PDE10A: variants seen among roughly 807,000 people sequenced by gnomAD.
PDE10A encodes the protein phosphodiesterase 10A.
In PDE10A, 39 loss-of-function variants were observed where a neutral mutation model predicts 97.7. The ratio of observed to expected loss-of-function variants is 0.40; its 90% CI spans 0.31 to 0.52. The LOEUF (loss-of-function observed/expected upper bound fraction) is 0.52. Ranked by LOEUF, PDE10A falls within the 20% of genes least tolerant of loss-of-function variation. The pLI, the probability that PDE10A is intolerant of heterozygous loss-of-function variation, is 0.56. For missense variants in PDE10A, 731 were observed against 1,047.8 expected, an observed-to-expected ratio of 0.70 and a Z score of 4.17; for synonymous variants, 371 against 376.8, an observed-to-expected ratio of 0.98 and a Z score of 0.18.
intron 5 of PDE10A, among the ~76,000 whole-genome samples, chr6:165,439,851 C>T (rs1790302177): frequency 6.6e-6 from 1 of 152,086 alleles, no homozygotes; most frequent in African/African-American, 2.4e-5. Flanking sequence ...TAGACTAGTA[C>T]AATTTATAAA....
chr6:165,619,417 G>GTCTAGTGTAC (rs1562634775), intron 1 of PDE10A, among the ~76,000 whole-genome samples: 5 of 42,786 alleles, frequency 1.2e-4, no homozygotes, highest in African/African-American at 2.6e-4. Context: ...GTCTAGTGTA[G>GTCTAGTGTAC]TGTAGTGTAG....
intron 1 of PDE10A, among the ~76,000 whole-genome samples, chr6:165,765,672 C>G (rs191186698): frequency 3.9e-5 from 6 of 152,166 alleles, no homozygotes; most frequent in Admixed American, 6.5e-5. Flanking sequence ...CTCTCCCTCC[C>G]CACCTCCCTG....
intron 1 of PDE10A, among the ~76,000 whole-genome samples, chr6:165,955,775 A>C (rs1784117737): frequency 1.3e-5 from 2 of 152,272 alleles, no homozygotes; most frequent in South Asian, 2.1e-4. Flanking sequence ...CTAGTAGTGC[A>C]AACAGGATAC....
intron 1 of PDE10A, among the ~76,000 whole-genome samples, chr6:165,826,702 C>T (rs914806826): frequency 1.1e-4 from 17 of 150,306 alleles, no homozygotes; most frequent in African/African-American, 2.9e-4. Flanking sequence ...ACGGTGGGAG[C>T]GGGCGCGTGG....
intron 1 of PDE10A, among the ~76,000 whole-genome samples, chr6:165,681,350 T>C (rs1562681593): frequency 1.3e-5 from 2 of 152,190 alleles, no homozygotes; most frequent in Non-Finnish European, 2.9e-5. Context: ...TCAAAATTAC[T>C]CTTTTTAGGC....
chr6:165,622,388 C>G (rs1272412760), intron 1 of PDE10A, among the ~76,000 whole-genome samples: 1 of 152,106 alleles, frequency 6.6e-6, no homozygotes, highest in African/African-American at 2.4e-5. Context: ...AGTGGACTTA[C>G]ACAAACCCAT....
intron 1 of PDE10A, among the ~76,000 whole-genome samples, chr6:165,737,203 C>T (rs1792597012): frequency 6.6e-6 from 1 of 152,150 alleles, no homozygotes; most frequent in Admixed American, 6.5e-5. Context: ...TGGTAGAGTT[C>T]TATCAAACAT....
At chr6:165,547,941 T>C (rs1391312920) in intron 1 of PDE10A, among the ~76,000 whole-genome samples, 1 of 152,182 alleles carries the variant, frequency 6.6e-6, no homozygotes, top group Admixed American at 6.5e-5. Context: ...AGCCACAAAT[T>C]CAACTTTCTT....
chr6:165,817,277 G>T (rs1779444756), intron 1 of PDE10A, among the ~76,000 whole-genome samples: 1 of 152,138 alleles, frequency 6.6e-6, no homozygotes, highest in South Asian at 2.1e-4. Context: ...GCTATCCTGG[G>T]AATAAACATC....
intron 1 of PDE10A, chr6:165,949,567 A>C (rs1258351139): frequency 6.6e-6 from 1 of 152,222 alleles, no homozygotes. Context: ...TGGGGTGACC[A>C]CCGCAGATCT....
At chr6:165,835,560 A>G (rs747856158) in intron 1 of PDE10A, among the ~76,000 whole-genome samples, 10 of 152,140 alleles carry the variant, frequency 6.6e-5, no homozygotes, top group Admixed American at 2.0e-4. Context: ...CAGAGCCCCC[A>G]GGGAAGCCTC....
intron 1 of PDE10A, among the ~76,000 whole-genome samples, chr6:165,852,954 G>C (rs1780613398): frequency 6.6e-6 from 1 of 152,204 alleles, no homozygotes; most frequent in Non-Finnish European, 1.5e-5. Flanking sequence ...GCACATTTGT[G>C]ACTTCATCAA....
At position 165,972,152 on chromosome 6, in the gene PDE10A, A is replaced by C. The variant is rs529322708; in HGVS notation, c.-615+15377T>G. Among the ~76,000 whole-genome samples the C allele has an allele frequency of 9.2e-5, 14 of 152,336 alleles. 1 individual carries two copies. The highest frequency in any genetic ancestry group is 8.5e-4 in the Admixed American group (13 of 15,306). On this transcript the variant is annotated intron_variant, in intron 1 of 19. Coordinates refer to the PDE10A transcript ENST00000366882. ...CACATTGGAATAAGGATTGAGAATT[A>C]GGTGTGAAAAGTTTTAAGAGCATAA...
chr6:165,472,000 ATGAGT>A (rs781124784), intron 3 of PDE10A, among the ~76,000 whole-genome samples: 1 of 152,102 alleles, frequency 6.6e-6, no homozygotes, highest in Admixed American at 6.5e-5. Flanking sequence ...CCCTTTTGAG[ATGAGT>A]TATTTTCCTA....
intron 1 of PDE10A, among the ~76,000 whole-genome samples, chr6:165,929,148 G>A (rs949723636): frequency 2.6e-5 from 4 of 152,184 alleles, no homozygotes; most frequent in African/African-American, 9.7e-5. Flanking sequence ...AATGAATTCA[G>A]TCTACAGCCT....
At chr6:165,857,866 T>C (rs1355653786) in intron 1 of PDE10A, among the ~76,000 whole-genome samples, 1 of 152,152 alleles carries the variant, frequency 6.6e-6, no homozygotes, top group Non-Finnish European at 1.5e-5. Flanking sequence ...CCCTGTTTTA[T>C]GCCTGGAAAA....
chr6:165,552,143 A>C (rs1038994852), intron 1 of PDE10A, among the ~76,000 whole-genome samples: 12 of 152,206 alleles, frequency 7.9e-5, no homozygotes, highest in South Asian at 4.2e-4. Context: ...TCCTCCTCCT[A>C]CACTTCAAGA....
chr6:165,664,784 A>G (rs1229020996), upstream of PDE10A, among the ~76,000 whole-genome samples: 1 of 152,172 alleles, frequency 6.6e-6, no homozygotes, highest in Non-Finnish European at 1.5e-5. Context: ...AGGGAAGTCG[A>G]GTTTCTCCTC....
intron 17 of PDE10A, among the ~76,000 whole-genome samples, chr6:165,386,152 C>A (rs187589981): frequency 6.7e-4 from 102 of 152,244 alleles, no homozygotes; most frequent in South Asian, 8.3e-4. Context: ...AGCCCCACAT[C>A]GCGGAGGGTT....
Sources: allele counts gnomAD v4.1 joint callset (sites outside exome capture counted in the v4.1 genomes callset), GRCh38; gene constraint gnomAD v4.1.1; transcripts MANE v1.5; gene names NCBI Gene and HGNC (gene_info 2026-07-23, HGNC 2026-07-21).